LARP4B: variants seen among roughly 807,000 people sequenced by gnomAD.
The protein encoded by LARP4B is la-related protein 4B.
Under a neutral mutation model 89.8 loss-of-function variants are expected in LARP4B, and 12 were observed. That is an observed-to-expected ratio of 0.13 (90% confidence interval 0.09 to 0.22). The LOEUF (loss-of-function observed/expected upper bound fraction) is 0.22. Ranked by LOEUF, LARP4B falls within the 10% of genes least tolerant of loss-of-function variation. The pLI is 1.00. For missense variants in LARP4B, 757 were observed against 947.7 expected, an observed-to-expected ratio of 0.80 and a Z score of 2.64; for synonymous variants, 367 against 363.3, an observed-to-expected ratio of 1.01 and a Z score of -0.12.
At chr10:924,837 G>C (rs985778256) in intron 1 of LARP4B, among the ~76,000 whole-genome samples, 1 of 152,218 alleles carries the variant, frequency 6.6e-6, no homozygotes, top group Non-Finnish European at 1.5e-5. Context: ...AACTCCAAGA[G>C]ATGGCAATCT....
chr10:847,846 G>T (rs1833851410), intron 5 of LARP4B, among the ~76,000 whole-genome samples: 1 of 152,200 alleles, frequency 6.6e-6, no homozygotes, highest in Non-Finnish European at 1.5e-5. Context: ...AGACATTAAA[G>T]TAACCCCCAC....
chr10:946,295 A>C, the LARP4B span, among the ~76,000 whole-genome samples: 97 of 152,310 alleles, frequency 6.4e-4, no homozygotes, highest in African/African-American at 2.1e-3. Flanking sequence ...ATTTCTGGGG[A>C]GGCCTTTACA....
intron 1 of LARP4B, among the ~76,000 whole-genome samples, chr10:906,081 C>G (rs1028459105): frequency 1.3e-5 from 2 of 152,214 alleles, no homozygotes; most frequent in African/African-American, 4.8e-5. Context: ...TTCATTCACA[C>G]GGGCCTTTTT....
chr10:927,627 T>A (rs559996470), intron 1 of LARP4B, among the ~76,000 whole-genome samples: 142 of 152,320 alleles, frequency 9.3e-4, no homozygotes, highest in Admixed American at 1.8e-3. Flanking sequence ...TACTCTAAAA[T>A]AAGCTTTTAC....
intron 3 of LARP4B, among the ~76,000 whole-genome samples, chr10:866,479 T>C (rs1398147988): frequency 6.6e-6 from 1 of 152,240 alleles, no homozygotes; most frequent in Non-Finnish European, 1.5e-5. Flanking sequence ...CTCATGGAGC[T>C]ACATGAGGGG....
At chr10:977,654 T>A in the LARP4B span, among the ~76,000 whole-genome samples, 2 of 152,220 alleles carry the variant, frequency 1.3e-5, no homozygotes, top group Non-Finnish European at 2.9e-5. Context: ...TTTCTTGTTA[T>A]TATTCCCTAA....
the LARP4B span, among the ~76,000 whole-genome samples, chr10:973,570 C>G: frequency 6.6e-6 from 1 of 152,062 alleles, no homozygotes; most frequent in Non-Finnish European, 1.5e-5. Context: ...CCAGGATGGT[C>G]TCGATCTCCT....
chr10:951,036 C>G, the LARP4B span, among the ~76,000 whole-genome samples: 1 of 151,956 alleles, frequency 6.6e-6, no homozygotes, highest in African/African-American at 2.4e-5. Flanking sequence ...CAGTCTCTCT[C>G]TCTTTCTTCT....
chr10:967,589 C>A, the LARP4B span, among the ~76,000 whole-genome samples: 1 of 152,174 alleles, frequency 6.6e-6, no homozygotes, highest in Non-Finnish European at 1.5e-5. Flanking sequence ...AAGCATGCCA[C>A]GAAATCGCAG....
intron 5 of LARP4B, among the ~76,000 whole-genome samples, chr10:852,322 G>A (rs1834096713): frequency 2.0e-5 from 3 of 152,176 alleles, no homozygotes; most frequent in South Asian, 4.2e-4. Flanking sequence ...CAGAGGTTTA[G>A]ACCACAAATG....
At position 820,608 on chromosome 10, in the gene LARP4B, TTTCCAAAACCTCTACAGTTGC is replaced by T; in HGVS notation, c.1530+171_1530+191del. ...TGGAGTCCTGTGCAGCACATCGCTA[TTTCCAAAACCTCTACAGTTGC>T]TTCCTCCTAGGCCAGCCAGGGTGTC... is the stretch of plus-strand genomic sequence containing the variant. On this transcript the variant is annotated intron_variant, in intron 14 of 17. Coordinates refer to ENST00000316157, the MANE Select transcript of LARP4B (RefSeq NM_015155.3). 4 of 585,414 alleles carry T rather than the reference TTTCCAAAACCTCTACAGTTGC, an allele frequency of 6.8e-6. 1 individual carries two copies. In the South Asian group the frequency reaches 8.3e-5, roughly 12 times the overall value. 36.3% of individuals were successfully genotyped at this position (585,414 alleles called of 1,614,324 possible).
chr10:823,923 C>T (rs1832485345), intron 13 of LARP4B, among the ~76,000 whole-genome samples: 1 of 152,172 alleles, frequency 6.6e-6, no homozygotes, highest in Admixed American at 6.5e-5. Flanking sequence ...CTTCCAATGC[C>T]ACTGCACAAT....
the LARP4B span, among the ~76,000 whole-genome samples, chr10:983,251 G>A: frequency 1.3e-5 from 2 of 152,150 alleles, no homozygotes; most frequent in Admixed American, 6.5e-5. Context: ...TAGGCCCATG[G>A]GAGCTGAGAC....
At chr10:972,587 T>C in the LARP4B span, 1 of 457,304 alleles carries the variant, frequency 2.2e-6, no homozygotes, top group South Asian at 1.5e-5. Context: ...GCGTCAGAGT[T>C]AGACCAAGAA....
At chr10:844,736 C>T (rs1009253095) in intron 6 of LARP4B, among the ~76,000 whole-genome samples, 2 of 151,740 alleles carry the variant, frequency 1.3e-5, no homozygotes, top group Non-Finnish European at 1.5e-5. Flanking sequence ...ACAGGGCGGG[C>T]GGGGCACTTT....
At chr10:928,709 A>C (rs564919329) in intron 1 of LARP4B, among the ~76,000 whole-genome samples, 7 of 152,148 alleles carry the variant, frequency 4.6e-5, no homozygotes, top group African/African-American at 1.7e-4. Flanking sequence ...AGCTTCTCCA[A>C]CAGCTGGACT....
chr10:838,430 T>C (rs1833341446), intron 7 of LARP4B, among the ~76,000 whole-genome samples: 1 of 151,806 alleles, frequency 6.6e-6, no homozygotes, highest in Non-Finnish European at 1.5e-5. Flanking sequence ...AATAAGAAAA[T>C]GAACAAGATT....
At chr10:859,059 GGC>G (rs1834453216) in intron 5 of LARP4B, among the ~76,000 whole-genome samples, 1 of 152,070 alleles carries the variant, frequency 6.6e-6, no homozygotes, top group African/African-American at 2.4e-5. Flanking sequence ...GGCTGAGATG[GGC>G]AGAGGTCAGG....
At chr10:981,607 G>C in the LARP4B span, among the ~76,000 whole-genome samples, 2 of 152,110 alleles carry the variant, frequency 1.3e-5, no homozygotes, top group Non-Finnish European at 2.9e-5. Flanking sequence ...GTCTCACTCT[G>C]TCGCCCAGAC....
Sources: gnomAD v4.1 joint callset for allele counts (sites outside exome capture counted in the v4.1 genomes callset) on GRCh38, gnomAD v4.1.1 for gene constraint, MANE v1.5 for transcripts, NCBI Gene and HGNC (gene_info 2026-07-23, HGNC 2026-07-21) for gene names.